XIRP2: variants seen among roughly 807,000 people sequenced by gnomAD.
XIRP2 encodes the protein xin actin binding repeat containing 2, also known as xin actin-binding repeat-containing protein 2.
A neutral mutation model predicts 277.0 loss-of-function variants in XIRP2; 236 were observed. That is an observed-to-expected ratio of 0.85 (90% CI 0.77 to 0.95). The LOEUF (loss-of-function observed/expected upper bound fraction) is 0.95. XIRP2 is among the 40% of genes least tolerant of loss of function. XIRP2 has a pLI of 0.00. For synonymous variants in XIRP2, 1,490 were observed against 1,416.5 expected, an observed-to-expected ratio of 1.05 and a Z score of -1.17; for missense variants, 4,640 against 4,157.5, an observed-to-expected ratio of 1.12 and a Z score of -3.19.
In XIRP2 at chr2:167,248,383, A is replaced by G. The variant is rs1239834105; in HGVS notation, c.6991A>G (p.Thr2331Ala). 1 of 1,613,644 alleles carries G rather than the reference A, an allele frequency of 6.2e-7. No homozygotes were observed. The highest frequency in any genetic ancestry group is 2.2e-5 in the East Asian group (1 of 44,822). The change falls in exon 9 of 11, where the codon ACA (threonine) becomes GCA (alanine). Residue 2331 changes from threonine (T) to alanine (A), a missense_variant. Physicochemically the swap from Thr to Ala is moderately conservative, Grantham distance 58. Transcript: ENST00000409195. ...AAATGGGTTTCTTCCCTCACTGTCC[A>G]CAGAGAAGATAAAGGCTGAATTTGA... ...EKNGFLPSLS[T>A]EKIKAEFESF...
At chr2:167,024,498 G>A (rs1348305625) in intron 2 of XIRP2, among the ~76,000 whole-genome samples, 2 of 152,100 alleles carry the variant, frequency 1.3e-5, no homozygotes. Context: ...ATGTTGAATA[G>A]GAGTGGTGAG....
chr2:167,153,214 G>A (rs921788824), intron 3 of XIRP2, among the ~76,000 whole-genome samples: 1 of 151,990 alleles, frequency 6.6e-6, no homozygotes, highest in Admixed American at 6.6e-5. Flanking sequence ...CTTTCATATA[G>A]AGACTCAATA....
intron 3 of XIRP2, among the ~76,000 whole-genome samples, chr2:167,185,299 C>A (rs1693123529): frequency 6.6e-6 from 1 of 152,040 alleles, no homozygotes; most frequent in East Asian, 1.9e-4. Context: ...ACCAAGGTTT[C>A]TTTTCCTGAC....
intron 2 of XIRP2, among the ~76,000 whole-genome samples, chr2:166,960,953 T>C (rs1217859778): frequency 1.3e-5 from 2 of 151,768 alleles, no homozygotes; most frequent in African/African-American, 2.4e-5. Flanking sequence ...TTATTGCCAT[T>C]AGAGAGCTCA....
chr2:167,163,073 A>G (rs532656322), intron 3 of XIRP2, among the ~76,000 whole-genome samples: 27 of 152,264 alleles, frequency 1.8e-4, no homozygotes, highest in East Asian at 1.9e-4. Context: ...TACATTCATT[A>G]TCTTCTTTAT....
chr2:166,939,207 C>T (rs1685618684), intron 2 of XIRP2, among the ~76,000 whole-genome samples: 1 of 152,100 alleles, frequency 6.6e-6, no homozygotes, highest in South Asian at 2.1e-4. Context: ...TACAATTTGG[C>T]ATGTTTTTGC....
At chr2:167,239,773 T>C (rs958321461) in intron 5 of XIRP2, 82 bp from the exon 6 acceptor site, 9 of 1,166,410 alleles carry the variant, frequency 7.7e-6, no homozygotes, top group South Asian at 1.4e-5. Context: ...TTTTCAGAAA[T>C]TGTCACTGAA....
intron 2 of XIRP2, among the ~76,000 whole-genome samples, chr2:167,129,898 A>G (rs1691326113): frequency 6.6e-6 from 1 of 151,870 alleles, no homozygotes; most frequent in Admixed American, 6.6e-5. Context: ...AAAGAAAAGA[A>G]AAATTATCTT....
At chr2:167,144,776 G>C (rs1691819077) in intron 3 of XIRP2, among the ~76,000 whole-genome samples, 1 of 152,046 alleles carries the variant, frequency 6.6e-6, no homozygotes, top group Non-Finnish European at 1.5e-5. Context: ...TTTGGGATAT[G>C]GCATCAGAAT....
intron 5 of XIRP2, among the ~76,000 whole-genome samples, chr2:167,233,619 A>C (rs761893943): frequency 8.6e-5 from 13 of 151,922 alleles, no homozygotes; most frequent in Admixed American, 6.6e-4. Context: ...GATGGTAATC[A>C]AGAGGTAGAG....
chr2:167,026,212 G>A (rs975263888), intron 2 of XIRP2, among the ~76,000 whole-genome samples: 5 of 152,056 alleles, frequency 3.3e-5, no homozygotes, highest in African/African-American at 7.2e-5. Flanking sequence ...TTATGTAATG[G>A]CCTTCTTTGT....
chr2:167,172,963 G>C (rs1439140520), intron 3 of XIRP2, among the ~76,000 whole-genome samples: 1 of 152,174 alleles, frequency 6.6e-6, no homozygotes, highest in African/African-American at 2.4e-5. Context: ...GTAAAGACAG[G>C]CGTAAGAAAT....
chr2:167,005,059 A>G (rs1192861936), intron 2 of XIRP2, among the ~76,000 whole-genome samples: 2 of 151,916 alleles, frequency 1.3e-5, no homozygotes, highest in African/African-American at 4.8e-5. Flanking sequence ...TCAAAAAAGA[A>G]AGTAACTAAT....
chr2:166,955,744 T>C (rs554321621), intron 2 of XIRP2, among the ~76,000 whole-genome samples: 3 of 151,914 alleles, frequency 2.0e-5, no homozygotes, highest in African/African-American at 7.2e-5. Context: ...ATTTCATACT[T>C]TGTGCTTCGA....
chr2:166,890,738 G>A (rs1262644425), intron 1 of XIRP2, among the ~76,000 whole-genome samples: 3 of 152,038 alleles, frequency 2.0e-5, no homozygotes, highest in African/African-American at 4.8e-5. Context: ...TGTCTGGTAC[G>A]CAGCCTGCTT....
In XIRP2 at chr2:166,997,773, C is replaced by T. The variant is rs200375965; in HGVS notation, c.408+93883C>T. On this transcript the variant is annotated intron_variant, in intron 2 of 10. Transcript: ENST00000409195. ...TACAACAATTAGCCAAGCATGGTGG[C>T]GGGCACCTGTAGTCCCAGCTACTCG... 9.9e-5 allele frequency among the ~76,000 whole-genome samples: 15 copies of T among 151,906 alleles called. No individual in the cohort carries two copies. In the East Asian group the frequency reaches 1.2e-3, roughly 12 times the overall value.
At chr2:166,894,706 C>T (rs950832693) in intron 1 of XIRP2, among the ~76,000 whole-genome samples, 4 of 152,092 alleles carry the variant, frequency 2.6e-5, no homozygotes, top group South Asian at 2.1e-4. Context: ...AATTTTGTGC[C>T]AGGCAATGTG....
chr2:167,211,549 T>G (rs1221144297), intron 4 of XIRP2, among the ~76,000 whole-genome samples: 1 of 152,210 alleles, frequency 6.6e-6, no homozygotes, highest in Admixed American at 6.5e-5. Flanking sequence ...TTATCATCAT[T>G]AGCACTTAAC....
chr2:167,018,633 A>G (rs544122937), intron 2 of XIRP2, among the ~76,000 whole-genome samples: 1 of 151,926 alleles, frequency 6.6e-6, no homozygotes, highest in Non-Finnish European at 1.5e-5. Flanking sequence ...CCCCCAGGGC[A>G]TTTTACTCAT....
Sources: allele counts gnomAD v4.1 joint callset (sites outside exome capture counted in the v4.1 genomes callset), GRCh38; gene constraint gnomAD v4.1.1; transcripts MANE v1.5; gene names NCBI Gene and HGNC (gene_info 2026-07-23, HGNC 2026-07-21).